The following PHLDB2 variants were observed in gnomAD, a reference collection of about 807,000 sequenced individuals.
PHLDB2 encodes pleckstrin homology like domain family B member 2.
PHLDB2 carries 71 observed loss-of-function variants against 123.6 expected under a neutral mutation model. That is an observed-to-expected ratio of 0.57 (90% CI 0.47 to 0.70). The LOEUF (loss-of-function observed/expected upper bound fraction) is 0.70. Among genes scored for constraint, PHLDB2 ranks in the 30% least tolerant of loss-of-function variants. The pLI, the probability that PHLDB2 is intolerant of heterozygous loss-of-function variation, is 0.00. For missense variants in PHLDB2, 1,446 were observed against 1,519.5 expected (o/e 0.95, Z 0.80); for synonymous variants, 547 against 541.6 (o/e 1.01, Z -0.14).
intron 1 of PHLDB2, among the ~76,000 whole-genome samples, chr3:111,840,819 T>C (rs190000193): frequency 1.7e-4 from 26 of 152,328 alleles, no homozygotes; most frequent in Admixed American, 3.3e-4. Context: ...CCTGACACAA[T>C]GTAAGCTCAC....
chr3:111,945,226 G>A lies in PHLDB2; in HGVS notation c.2398-42G>A, dbSNP rs712513. 6,091 of 1,366,888 alleles carry A rather than the reference G, an allele frequency of 4.5e-3. 211 individuals are homozygous for A. The African/African-American group carries it at 0.078, about 17-fold the overall frequency. 84.7% of individuals were successfully genotyped at this position (1,366,888 alleles called of 1,614,324 possible). On this transcript the variant is annotated intron_variant, in intron 8 of 17. Transcript: ENST00000431670. The stretch of plus-strand genomic sequence containing the variant: ...AGTCACCATGCTTCTCAGTTGCATC[G>A]AAGGTTGACTTTTAAGTTTAATAGG...
In PHLDB2 at chr3:111,847,690, TGC is replaced by T. The variant is rs576524747; in HGVS notation, c.67+1756_67+1757del. Among the ~76,000 whole-genome samples the T allele has an allele frequency of 1.7e-3, 259 of 152,216 alleles. 1 individual carries two copies. Among genetic ancestry groups the T allele is most frequent in the African/African-American group, 6.0e-3 (250 of 41,528 alleles). The stretch of plus-strand genomic sequence containing the variant: ...ATTTCCTTGGGAGAGCCTTACTTAC[TGC>T]ACACCCAATGTCCCTTTAGCCCTGG... On this transcript the variant is annotated intron_variant, in intron 2 of 17. Transcript: ENST00000393923.
chr3:111,845,835 C>T (rs2063960683), exon 2 of PHLDB2: 1 of 1,614,154 alleles, frequency 6.2e-7, no homozygotes. Context: ...GCACTGATCC[C>T]AGTTTATCCT....
intron 1 of PHLDB2, among the ~76,000 whole-genome samples, chr3:111,833,869 TTATATATAATATATGTAATAGAATTA>T (rs1553737138): frequency 1.9e-5 from 1 of 52,118 alleles, no homozygotes; most frequent in African/African-American, 1.2e-4. Flanking sequence ...TGTAATAGAA[TTATATATAATATATGTAATAGAATTA>T]TATATATAAT....
At chr3:111,826,665 A>G (rs1279042847) in intron 1 of PHLDB2, among the ~76,000 whole-genome samples, 1 of 152,222 alleles carries the variant, frequency 6.6e-6, no homozygotes, top group Non-Finnish European at 1.5e-5. Context: ...TTAATACCCA[A>G]CAGTAATGCC....
At chr3:111,905,040 A>G (rs1003010349) in intron 2 of PHLDB2, among the ~76,000 whole-genome samples, 6 of 152,230 alleles carry the variant, frequency 3.9e-5, no homozygotes, top group African/African-American at 7.2e-5. Flanking sequence ...CACTAGTTGC[A>G]TGAGAGCGGG....
At chr3:111,780,315 GGAAGAGGAA>G (rs2060374797) in intron 1 of PHLDB2, among the ~76,000 whole-genome samples, 1 of 4,944 alleles carries the variant, frequency 2.0e-4, no homozygotes, top group African/African-American at 5.8e-4. Context: ...AAGAGGAAGA[GGAAGAGGAA>G]GAAGAAGAAG....
intron 2 of PHLDB2, chr3:111,885,892 G>T: frequency 2.3e-6 from 1 of 436,568 alleles, no homozygotes; most frequent in Non-Finnish European, 4.1e-6. Context: ...CCTCAGTGGT[G>T]CTCAGCTTTT....
At chr3:111,867,349 G>A (rs564757039) in intron 1 of PHLDB2, among the ~76,000 whole-genome samples, 15 of 152,112 alleles carry the variant, frequency 9.9e-5, no homozygotes, top group African/African-American at 2.4e-4. Context: ...CAGAATGCAC[G>A]TAGCTTTTTT....
chr3:111,770,454 G>A (rs2060156433), intron 1 of PHLDB2, among the ~76,000 whole-genome samples: 1 of 152,142 alleles, frequency 6.6e-6, no homozygotes, highest in African/African-American at 2.4e-5. Flanking sequence ...GCTAGCCTCT[G>A]AGAATCTGTG....
At chr3:111,899,931 C>G (rs2067093652) in intron 2 of PHLDB2, among the ~76,000 whole-genome samples, 1 of 152,184 alleles carries the variant, frequency 6.6e-6, no homozygotes, top group Non-Finnish European at 1.5e-5. Flanking sequence ...ATGTAACCAC[C>G]TTCATCAATT....
At chr3:111,829,180 C>A (rs2062812447) in intron 1 of PHLDB2, among the ~76,000 whole-genome samples, 1 of 152,028 alleles carries the variant, frequency 6.6e-6, no homozygotes, top group Non-Finnish European at 1.5e-5. Flanking sequence ...TCTGAAGGGC[C>A]ATTTATCTTC....
At chr3:111,812,091 G>A (rs2061866479) in intron 1 of PHLDB2, among the ~76,000 whole-genome samples, 2 of 152,092 alleles carry the variant, frequency 1.3e-5, no homozygotes, top group Admixed American at 1.3e-4. Flanking sequence ...AAAGAAAAGG[G>A]GCTTCTCTGC....
chr3:111,900,556 G>T (rs1026848332), intron 2 of PHLDB2, among the ~76,000 whole-genome samples: 5 of 152,130 alleles, frequency 3.3e-5, no homozygotes, highest in African/African-American at 9.7e-5. Context: ...TATTAATTAA[G>T]TTTGCTGTCT....
intron 2 of PHLDB2, among the ~76,000 whole-genome samples, chr3:111,894,759 G>GT (rs1376113898): frequency 6.6e-6 from 1 of 151,702 alleles, no homozygotes; most frequent in Non-Finnish European, 1.5e-5. Flanking sequence ...TGATAGGGTT[G>GT]TTTTTTTCTT....
At chr3:111,740,209 C>T (rs1576486115) in intron 1 of PHLDB2, among the ~76,000 whole-genome samples, 2 of 152,228 alleles carry the variant, frequency 1.3e-5, no homozygotes, top group Admixed American at 1.3e-4. Flanking sequence ...TGCTAAGACC[C>T]TGAAGAACCA....
chr3:111,849,041 C>T (rs1164846405), intron 2 of PHLDB2, among the ~76,000 whole-genome samples: 2 of 152,132 alleles, frequency 1.3e-5, no homozygotes, highest in Non-Finnish European at 2.9e-5. Context: ...AAGCAATGCC[C>T]GACTGTATAT....
chr3:111,895,066 A>C (rs1022168093), intron 2 of PHLDB2, among the ~76,000 whole-genome samples: 1 of 151,978 alleles, frequency 6.6e-6, no homozygotes, highest in African/African-American at 2.4e-5. Context: ...AAAAAAAAAA[A>C]ACGGTTGTCA....
At chr3:111,900,940 T>C (rs2067158920) in intron 2 of PHLDB2, among the ~76,000 whole-genome samples, 1 of 152,112 alleles carries the variant, frequency 6.6e-6, no homozygotes, top group Non-Finnish European at 1.5e-5. Context: ...CTCTCTATGT[T>C]GATGAGGCTG....
Sources: gnomAD v4.1 joint callset for allele counts (sites outside exome capture counted in the v4.1 genomes callset) on GRCh38, gnomAD v4.1.1 for gene constraint, MANE v1.5 for transcripts, NCBI Gene and HGNC (gene_info 2026-07-23, HGNC 2026-07-21) for gene names.